Variants in GABRA5 observed in about 807,000 individuals in gnomAD.
GABRA5 encodes gamma-aminobutyric acid type A receptor subunit alpha5, also known as gamma-aminobutyric acid receptor subunit alpha-5.
Under a neutral mutation model 47.3 loss-of-function variants are expected in GABRA5, and 18 were observed. The observed-to-expected ratio is 0.38, with a 90% confidence interval of 0.26 to 0.56. The LOEUF is 0.56. GABRA5 is among the 20% of genes least tolerant of loss of function. The probability of loss-of-function intolerance (pLI) is 0.71; values close to 1 mark genes in which losing one functional copy is unlikely to be tolerated. For missense variants in GABRA5, 365 were observed against 599.3 expected, an observed-to-expected ratio of 0.61 and a Z score of 4.08; for synonymous variants, 237 against 229.3, an observed-to-expected ratio of 1.03 and a Z score of -0.30.
chr15:26,880,749 G>C (rs1892709041), intron 3 of GABRA5, 97 bp from the exon 4 acceptor site: 1 of 1,314,746 alleles, frequency 7.6e-7, no homozygotes, highest in Admixed American at 2.0e-5. Flanking sequence ...CGTCTCAGGA[G>C]ACAAGCCTCC....
chr15:26,883,789 G>C lies in GABRA5; in HGVS notation c.497+232G>C, dbSNP rs180893253. Reference sequence around the variant, plus strand: ...TTTGTCATTTGGACTCGTTTATTCGGTTCAAGCTCAAGAGCATCTTTGGAA... The same window carrying C: ...TTTGTCATTTGGACTCGTTTATTCGCTTCAAGCTCAAGAGCATCTTTGGAA... On this transcript the variant is annotated intron_variant, in intron 6 of 10. Transcript: ENST00000335625. This position sits in a 1 kb window ranked among gnomAD's most constrained non-coding sequence, Gnocchi z 4.8. Among the ~76,000 whole-genome samples the C allele has an allele frequency of 1.9e-3, 287 of 152,294 alleles. 1 individual carries two copies. Among genetic ancestry groups the C allele is most frequent in the Middle Eastern group, 6.8e-3 (2 of 294 alleles).
chr15:26,879,562 A>G (rs1466143332), intron 3 of GABRA5, among the ~76,000 whole-genome samples: 1 of 152,200 alleles, frequency 6.6e-6, no homozygotes, highest in African/African-American at 2.4e-5. Context: ...GTGATGTGAA[A>G]CTTAGATCAA....
intron 7 of GABRA5, among the ~76,000 whole-genome samples, chr15:26,935,508 C>G (rs375853584): frequency 6.6e-6 from 1 of 152,340 alleles, no homozygotes; most frequent in Non-Finnish European, 1.5e-5. Context: ...CCGGCCTCCC[C>G]ACAGCTCTCC....
At chr15:26,869,144 C>G (rs1892399760) in intron 2 of GABRA5, 31 bp from the exon 3 acceptor site, 1 of 744,756 alleles carries the variant, frequency 1.3e-6, no homozygotes, top group South Asian at 1.5e-5. Flanking sequence ...CATTGATGTT[C>G]ACGTGCTTCC....
At chr15:26,943,873 G>A (rs1806150620) in intron 10 of GABRA5, among the ~76,000 whole-genome samples, 2 of 151,974 alleles carry the variant, frequency 1.3e-5, no homozygotes, top group Admixed American at 1.3e-4. Flanking sequence ...CTTACACCAG[G>A]CACATAAATT....
At position 26,935,656 on chromosome 15, in the gene GABRA5, C is replaced by T. The variant is rs542576296; in HGVS notation, c.581-1529C>T. Among the ~76,000 whole-genome samples the T allele has an allele frequency of 4.5e-4, 68 of 152,352 alleles. 1 individual carries two copies. The South Asian group carries it at 0.014, about 32-fold the overall frequency. ...TGATGAGTGGGCCACAGCCTCCACA[C>T]TTCACGAATCCCATCGCGTCTCATG... On this transcript the variant is annotated intron_variant, in intron 7 of 10. Coordinates refer to ENST00000335625, the MANE Select transcript of GABRA5 (RefSeq NM_000810.4).
intron 3 of GABRA5, chr15:26,880,565 C>CTA (rs1483491401): frequency 7.6e-6 from 2 of 263,182 alleles, no homozygotes; most frequent in Admixed American, 5.0e-5. Flanking sequence ...TTAAAAATGG[C>CTA]TAAAATATTG....
At position 26,883,197 on chromosome 15, in the gene GABRA5, C is replaced by T. The variant is rs755181370; in HGVS notation, c.240C>T (p.Tyr80=). Residue 80 remains tyrosine, a synonymous_variant, in exon 5 of 11, where the codon TAC becomes TAT. Coordinates refer to ENST00000335625, the MANE Select transcript of GABRA5 (RefSeq NM_000810.4). This position sits in a 1 kb window ranked among gnomAD's most constrained non-coding sequence, Gnocchi z 4.8. ...TCACTCAGGTGAGGACCGACATCTA[C>T]GTCACCAGCTTCGGCCCGGTGTCCG... ...ERITQVRTDI[Y]VTSFGPVSDT... 11 of 1,613,838 alleles carry T rather than the reference C, an allele frequency of 6.8e-6. No individual in the cohort carries two copies. Among genetic ancestry groups the T allele is most frequent in the South Asian group, 3.3e-5 (3 of 91,092 alleles).
chr15:26,903,580 T>G (rs1403344536), intron 6 of GABRA5, among the ~76,000 whole-genome samples: 1 of 152,108 alleles, frequency 6.6e-6, no homozygotes, highest in Non-Finnish European at 1.5e-5. Flanking sequence ...CAACAGTGTA[T>G]AAGCATTCCC....
intron 10 of GABRA5, among the ~76,000 whole-genome samples, chr15:26,944,945 T>C (rs1015906313): frequency 6.6e-6 from 1 of 152,104 alleles, no homozygotes; most frequent in African/African-American, 2.4e-5. Context: ...CTGGGTGTTC[T>C]TGTTGGGTGT....
rs968198759 is a variant in GABRA5 at position 26,883,535 on chromosome 15, G to C, written c.475G>C (p.Gly159Arg). The change falls in exon 6 of 11, where the codon GGC becomes CGC. Residue 159 changes from glycine (G) to arginine (R), a missense_variant. Physicochemically the swap from Gly to Arg is moderately radical, Grantham distance 125. This residue lies in a region of GABRA5 where 216 missense variants were observed against 335.3 expected (regional missense o/e 0.64). Coordinates refer to ENST00000335625, the MANE Select transcript of GABRA5 (RefSeq NM_000810.4). This position sits in a 1 kb window ranked among gnomAD's most constrained non-coding sequence, Gnocchi z 4.8. ...PNKLLRLEDD[G>R]TLLYTMRLTI... ...CAAGCTGCTGCGGCTGGAGGACGAC[G>C]GCACCCTGCTCTACACCATGCGGTG... 1.2e-6 allele frequency: 2 copies of C among 1,611,078 alleles called. No individual in the cohort carries two copies. Among genetic ancestry groups the C allele is most frequent in the Non-Finnish European group, 8.5e-7 (1 of 1,178,980 alleles).
intron 7 of GABRA5, among the ~76,000 whole-genome samples, chr15:26,920,865 A>C (rs1893827307): frequency 6.6e-6 from 1 of 152,148 alleles, no homozygotes; most frequent in African/African-American, 2.4e-5. Context: ...GAGACAAGCA[A>C]GACTGAAATC....
At chr15:26,937,139 G>A in intron 7 of GABRA5, 46 bp from the exon 8 acceptor site, 5 of 1,606,718 alleles carry the variant, frequency 3.1e-6, no homozygotes, top group Non-Finnish European at 4.3e-6. Flanking sequence ...TTCCAGGCTG[G>A]GAATGATTTC....
chr15:26,937,784 G>C (rs1894283214), intron 8 of GABRA5, among the ~76,000 whole-genome samples: 2 of 152,246 alleles, frequency 1.3e-5, no homozygotes, highest in South Asian at 4.1e-4. Flanking sequence ...AGTGCCCTGG[G>C]CTGGCCTGAG....
chr15:26,923,407 A>G (rs1489664674), intron 7 of GABRA5, among the ~76,000 whole-genome samples: 1 of 152,204 alleles, frequency 6.6e-6, no homozygotes, highest in Non-Finnish European at 1.5e-5. Context: ...CGCTTGAAAA[A>G]TGTGCCACTT....
chr15:26,915,051 CA>C (rs1403139186), intron 7 of GABRA5, among the ~76,000 whole-genome samples, 166 bp downstream of exon 7: 1 of 152,178 alleles, frequency 6.6e-6, no homozygotes, highest in Non-Finnish European at 1.5e-5. Flanking sequence ...TTCTTGTCTG[CA>C]AAATGGGGTC....
chr15:26,902,846 A>G (rs905695107), intron 6 of GABRA5, among the ~76,000 whole-genome samples: 6 of 152,162 alleles, frequency 3.9e-5, no homozygotes, highest in African/African-American at 1.4e-4. Context: ...AGTTTTTATC[A>G]TAAACAGGTA....
In GABRA5 at chr15:26,867,671, G is replaced by A. The variant is rs2140237463; in HGVS notation, c.-140+560G>A. 6.6e-6 allele frequency among the ~76,000 whole-genome samples: 1 copy of A among 152,090 alleles called. No homozygotes were observed. The highest frequency in any genetic ancestry group is 1.5e-5 in the Non-Finnish European group (1 of 67,950). Reference sequence around the variant, plus strand: ...GGGCGCGGTGACCGGTTGGGGGTGGGGGACACCCGTTGCCACCATCACGGG... The same window carrying A: ...GGGCGCGGTGACCGGTTGGGGGTGGAGGACACCCGTTGCCACCATCACGGG... On this transcript the variant is annotated intron_variant, in intron 1 of 10. Transcript: ENST00000335625. The surrounding 1 kb of genome is among the most constrained non-coding windows in gnomAD (Gnocchi z 5.9).
chr15:26,893,386 G>GT (rs1297522536), intron 6 of GABRA5, among the ~76,000 whole-genome samples: 1 of 396 alleles, frequency 2.5e-3, no homozygotes, highest in South Asian at 0.071. Context: ...GGGACTATAT[G>GT]GAGTATGTGT....
Sources: gnomAD v4.1 joint callset for allele counts (sites outside exome capture counted in the v4.1 genomes callset) on GRCh38, gnomAD v4.1.1 for gene constraint, gnomAD v4.1.1 regional missense constraint, Gnocchi (gnomAD v3.1) non-coding constraint, MANE v1.5 for transcripts, NCBI Gene and HGNC (gene_info 2026-07-23, HGNC 2026-07-21) for gene names.